CACNG3: variants seen among roughly 807,000 people sequenced by gnomAD.
The protein encoded by CACNG3 is voltage-dependent calcium channel gamma-3 subunit.
Under a neutral mutation model 28.5 loss-of-function variants are expected in CACNG3, and 3 were observed. The observed-to-expected ratio is 0.11, with a 90% CI of 0.05 to 0.27. The LOEUF (loss-of-function observed/expected upper bound fraction) is 0.27. Among genes scored for constraint, CACNG3 ranks in the 10% least tolerant of loss-of-function variants. The pLI is 1.00. For missense variants in CACNG3, 236 were observed against 414.4 expected, an observed-to-expected ratio of 0.57 and a Z score of 3.74; for synonymous variants, 174 against 162.2, an observed-to-expected ratio of 1.07 and a Z score of -0.55.
intron 1 of CACNG3, among the ~76,000 whole-genome samples, chr16:24,316,489 C>T (rs1375196281): frequency 5.9e-5 from 9 of 152,162 alleles, no homozygotes; most frequent in South Asian, 2.1e-4. Context: ...AAAGCTCCTG[C>T]GGGAAGGACA....
At chr16:24,340,416 A>G (rs1040954216) in intron 1 of CACNG3, among the ~76,000 whole-genome samples, 1 of 152,166 alleles carries the variant, frequency 6.6e-6, no homozygotes, top group African/African-American at 2.4e-5. Context: ...TAAATAAAAT[A>G]ATTTAGTGTA....
chr16:24,351,586 A>G (rs1301572503), intron 2 of CACNG3, among the ~76,000 whole-genome samples: 2 of 86,398 alleles, frequency 2.3e-5, no homozygotes, highest in South Asian at 4.2e-4. Context: ...GGAAGGGAAG[A>G]GGAAGGGGAA....
At chr16:24,283,128 G>A (rs1898851395) in intron 1 of CACNG3, among the ~76,000 whole-genome samples, 1 of 151,988 alleles carries the variant, frequency 6.6e-6, no homozygotes, top group Non-Finnish European at 1.5e-5. Context: ...TTGGCCTCCT[G>A]AAGGACTCAA....
intron 1 of CACNG3, among the ~76,000 whole-genome samples, chr16:24,295,085 G>A (rs1899014343): frequency 6.6e-6 from 1 of 152,172 alleles, no homozygotes; most frequent in South Asian, 2.1e-4. Context: ...GGGTCCCTCA[G>A]AGACCAAGTC....
At chr16:24,309,308 C>G (rs1421915040) in intron 1 of CACNG3, among the ~76,000 whole-genome samples, 1 of 152,186 alleles carries the variant, frequency 6.6e-6, no homozygotes, top group Non-Finnish European at 1.5e-5. Flanking sequence ...ATAAGGGAGT[C>G]TCAGAGAGGT....
intron 1 of CACNG3, among the ~76,000 whole-genome samples, chr16:24,297,593 T>A (rs1356929331): frequency 6.6e-6 from 1 of 152,200 alleles, no homozygotes; most frequent in Non-Finnish European, 1.5e-5. Context: ...GGTTGAAGTG[T>A]CCTCCAGACT....
At chr16:24,355,195 C>T (rs714822) in intron 3 of CACNG3, among the ~76,000 whole-genome samples, 13 of 151,724 alleles carry the variant, frequency 8.6e-5, no homozygotes, top group South Asian at 4.2e-4. Context: ...CAGCATGGCA[C>T]GATCAGCTGA....
chr16:24,334,157 G>C (rs975502938), intron 1 of CACNG3, among the ~76,000 whole-genome samples: 9 of 152,158 alleles, frequency 5.9e-5, no homozygotes, highest in African/African-American at 1.9e-4. Context: ...CTTCACAAAA[G>C]AGTTCTAGCA....
intron 1 of CACNG3, among the ~76,000 whole-genome samples, chr16:24,327,422 A>ATGTGTGTGTG (rs376287990): frequency 0.059 from 6,013 of 101,532 alleles, 203 homozygotes; most frequent in East Asian, 0.1. Context: ...GAATATATAT[A>ATGTGTGTGTG]TGTGTGTGTG....
chr16:24,264,784 G>A (rs1432034302), intron 1 of CACNG3, among the ~76,000 whole-genome samples: 1 of 152,194 alleles, frequency 6.6e-6, no homozygotes, highest in African/African-American at 2.4e-5. Context: ...AAGTGACTGG[G>A]AAGTTATGAA....
intron 1 of CACNG3, among the ~76,000 whole-genome samples, chr16:24,337,435 T>C (rs1194093414): frequency 6.6e-6 from 1 of 151,938 alleles, no homozygotes; most frequent in Admixed American, 6.6e-5. Flanking sequence ...AAGGAAACAC[T>C]CAAAATAGGG....
intron 1 of CACNG3, among the ~76,000 whole-genome samples, chr16:24,286,732 G>A (rs1165036779): frequency 6.6e-6 from 1 of 152,190 alleles, no homozygotes; most frequent in Non-Finnish European, 1.5e-5. Context: ...TTACAAAAGT[G>A]GAAACTGAGG....
At chr16:24,357,917 G>A (rs1013417844) in intron 3 of CACNG3, among the ~76,000 whole-genome samples, 1 of 152,198 alleles carries the variant, frequency 6.6e-6, no homozygotes. Context: ...TGTGAGGGAT[G>A]GCAGGTAGAC....
chr16:24,266,968 C>CTTTTTT (rs750145274), intron 1 of CACNG3, among the ~76,000 whole-genome samples: 3 of 137,362 alleles, frequency 2.2e-5, no homozygotes, highest in African/African-American at 8.1e-5. Flanking sequence ...TTTTTAATTT[C>CTTTTTT]TTTTTTTTTT....
chr16:24,324,286 C>T (rs1335978871), intron 1 of CACNG3, among the ~76,000 whole-genome samples: 1 of 152,128 alleles, frequency 6.6e-6, no homozygotes, highest in African/African-American at 2.4e-5. Flanking sequence ...GCCCACAAAC[C>T]CAGGTGTGTG....
chr16:24,265,928 A>C (rs1299065645), intron 1 of CACNG3, among the ~76,000 whole-genome samples: 1 of 152,238 alleles, frequency 6.6e-6, no homozygotes, highest in Non-Finnish European at 1.5e-5. Context: ...CTGTAGAGAC[A>C]TGTAGGAATC....
intron 1 of CACNG3, among the ~76,000 whole-genome samples, chr16:24,316,849 G>A (rs1397554198): frequency 1.3e-5 from 2 of 152,224 alleles, no homozygotes; most frequent in Non-Finnish European, 2.9e-5. Context: ...CAAACTAACA[G>A]CATATTTCAA....
chr16:24,289,628 C>T (rs1246279240), intron 1 of CACNG3, among the ~76,000 whole-genome samples: 1 of 152,172 alleles, frequency 6.6e-6, no homozygotes, highest in Non-Finnish European at 1.5e-5. Flanking sequence ...TAGCTCCCTA[C>T]AGGGTTCACT....
At position 24,296,859 on chromosome 16, in the gene CACNG3, A is replaced by C. The variant is rs150661404; in HGVS notation, c.211+39894A>C. 1.1e-3 allele frequency among the ~76,000 whole-genome samples: 171 copies of C among 152,194 alleles called. 1 individual carries two copies. Among genetic ancestry groups the C allele is most frequent in the African/African-American group, 4.0e-3 (164 of 41,506 alleles). ...GCCTGCCAGTTATTTTGGGTGTGCAAATGGAGCTGACCTGTAATTGCCCCT... is the reference window on the plus strand; with the variant it reads ...GCCTGCCAGTTATTTTGGGTGTGCACATGGAGCTGACCTGTAATTGCCCCT... On this transcript the variant is annotated intron_variant, in intron 1 of 3. Transcript: ENST00000005284.
Sources: allele counts gnomAD v4.1 joint callset (sites outside exome capture counted in the v4.1 genomes callset), GRCh38; gene constraint gnomAD v4.1.1; transcripts MANE v1.5; gene names NCBI Gene and HGNC (gene_info 2026-07-23, HGNC 2026-07-21).